Variants in CDH12 observed in about 807,000 individuals in gnomAD.
CDH12 encodes cadherin 12, also known as cadherin-12.
In CDH12, 41 loss-of-function variants were observed where a neutral mutation model predicts 74.1. The ratio of observed to expected loss-of-function variants is 0.55; its 90% CI spans 0.43 to 0.72. The LOEUF (loss-of-function observed/expected upper bound fraction) is 0.72. Ranked by LOEUF, CDH12 falls within the 30% of genes least tolerant of loss-of-function variation. The pLI is 0.00. For synonymous variants in CDH12, 399 were observed against 355.0 expected, an observed-to-expected ratio of 1.12 and a Z score of -1.39; for missense variants, 945 against 977.2, an observed-to-expected ratio of 0.97 and a Z score of 0.44.
intron 6 of CDH12, among the ~76,000 whole-genome samples, chr5:21,872,585 C>T (rs1008000017): frequency 9.9e-5 from 15 of 151,964 alleles, no homozygotes; most frequent in Non-Finnish European, 1.9e-4. Flanking sequence ...GGGCTCTCAG[C>T]GATAATTCAG....
chr5:21,976,465 TA>T (rs1367042827), intron 5 of CDH12, among the ~76,000 whole-genome samples: 2 of 149,630 alleles, frequency 1.3e-5, no homozygotes, highest in Non-Finnish European at 3.0e-5. Flanking sequence ...AAATATTACA[TA>T]AAATAAAATA....
At chr5:22,268,754 A>G (rs1235366854) in intron 3 of CDH12, among the ~76,000 whole-genome samples, 2 of 152,136 alleles carry the variant, frequency 1.3e-5, no homozygotes, top group Non-Finnish European at 2.9e-5. Context: ...TCTGCCTGGT[A>G]AAATTAGCTA....
At chr5:22,607,481 C>T (rs1234493150) in intron 1 of CDH12, among the ~76,000 whole-genome samples, 2 of 152,182 alleles carry the variant, frequency 1.3e-5, no homozygotes, top group African/African-American at 2.4e-5. Flanking sequence ...GAGGAAGAAG[C>T]AAAAGCGGAG....
intron 6 of CDH12, among the ~76,000 whole-genome samples, chr5:21,897,292 G>A (rs911832199): frequency 1.3e-5 from 2 of 152,154 alleles, no homozygotes; most frequent in African/African-American, 4.8e-5. Flanking sequence ...GGCTTCATAT[G>A]ACTGTGAGCA....
intron 5 of CDH12, among the ~76,000 whole-genome samples, chr5:22,068,564 T>A (rs1741722550): frequency 6.6e-6 from 1 of 151,822 alleles, no homozygotes; most frequent in Admixed American, 6.6e-5. Flanking sequence ...GGCCAAGGAG[T>A]TGGCTGAATG....
intron 1 of CDH12, among the ~76,000 whole-genome samples, chr5:22,767,363 C>A (rs1230404733): frequency 6.6e-6 from 1 of 151,720 alleles, no homozygotes; most frequent in Admixed American, 6.6e-5. Flanking sequence ...GACTATTTTC[C>A]TTTTGCACTT....
At chr5:22,352,764 C>G (rs1408307185) in intron 3 of CDH12, among the ~76,000 whole-genome samples, 1 of 152,118 alleles carries the variant, frequency 6.6e-6, no homozygotes. Flanking sequence ...CAATGCGAAA[C>G]CCTCTGACAT....
At chr5:22,686,550 G>T (rs773878618) in intron 1 of CDH12, among the ~76,000 whole-genome samples, 20 of 151,314 alleles carry the variant, frequency 1.3e-4, no homozygotes, top group South Asian at 2.1e-4. Context: ...CTTTTTTTTT[G>T]AATATTATGA....
chr5:22,265,643 T>C (rs1056523748), intron 3 of CDH12, among the ~76,000 whole-genome samples: 1 of 152,166 alleles, frequency 6.6e-6, no homozygotes, highest in Admixed American at 6.6e-5. Flanking sequence ...GCACAGTTTC[T>C]GTTTCCAGGA....
chr5:22,290,049 T>C (rs143396822), intron 3 of CDH12, among the ~76,000 whole-genome samples: 1 of 152,282 alleles, frequency 6.6e-6, no homozygotes, highest in Non-Finnish European at 1.5e-5. Context: ...CCACAACTGC[T>C]ACATTGAGCC....
Position 22,182,190 on chromosome 5 carries a change from G to A in CDH12, c.-187+30308C>T, listed in dbSNP as rs544185807. Reference sequence around the variant, plus strand: ...TGATCTTTCATTTCTTAAATTTTCCGAGCCTCTTCCTACTTAAGGAATTGT... The same window carrying A: ...TGATCTTTCATTTCTTAAATTTTCCAAGCCTCTTCCTACTTAAGGAATTGT... On this transcript the variant is annotated intron_variant, in intron 4 of 14. Coordinates refer to ENST00000382254, the MANE Select transcript of CDH12 (RefSeq NM_004061.5). Among the ~76,000 whole-genome samples the A allele has an allele frequency of 1.6e-3, 236 of 151,416 alleles. 1 individual carries two copies. The highest frequency in any genetic ancestry group is 5.6e-3 in the African/African-American group (230 of 41,250).
chr5:22,099,502 C>T (rs1744009143), intron 4 of CDH12, among the ~76,000 whole-genome samples: 1 of 152,154 alleles, frequency 6.6e-6, no homozygotes, highest in Non-Finnish European at 1.5e-5. Context: ...CCTGTATGGA[C>T]ACTCCTTTTT....
At chr5:22,106,438 A>AT (rs1744448265) in intron 4 of CDH12, among the ~76,000 whole-genome samples, 1 of 152,204 alleles carries the variant, frequency 6.6e-6, no homozygotes, top group Non-Finnish European at 1.5e-5. Flanking sequence ...AGATGTGCTA[A>AT]TTGTCCTAAT....
At chr5:22,762,138 C>T (rs2127057438) in intron 1 of CDH12, among the ~76,000 whole-genome samples, 1 of 152,074 alleles carries the variant, frequency 6.6e-6, no homozygotes, top group South Asian at 2.1e-4. Flanking sequence ...TATACATCAC[C>T]CAGTTACGAA....
chr5:21,947,468 G>A (rs1755631483), intron 6 of CDH12, among the ~76,000 whole-genome samples: 1 of 152,202 alleles, frequency 6.6e-6, no homozygotes, highest in Admixed American at 6.5e-5. Flanking sequence ...TTAGGAGCTA[G>A]AGCCCAAAGA....
intron 1 of CDH12, among the ~76,000 whole-genome samples, chr5:22,599,006 T>C (rs547365218): frequency 3.3e-5 from 5 of 152,328 alleles, no homozygotes; most frequent in Admixed American, 2.0e-4. Flanking sequence ...TGCAGCCGTA[T>C]TGCATGCCTT....
At chr5:22,395,646 T>C (rs1451347545) in intron 3 of CDH12, among the ~76,000 whole-genome samples, 1 of 152,132 alleles carries the variant, frequency 6.6e-6, no homozygotes, top group African/African-American at 2.4e-5. Context: ...ATGTCTAATA[T>C]ATCTAAGCAG....
chr5:21,763,006 T>C (rs1254294099), intron 12 of CDH12, among the ~76,000 whole-genome samples: 2 of 152,020 alleles, frequency 1.3e-5, no homozygotes, highest in East Asian at 3.9e-4. Flanking sequence ...GGCCCAAATA[T>C]TTTTGTAGCA....
intron 3 of CDH12, among the ~76,000 whole-genome samples, chr5:22,215,457 T>C (rs376709004): frequency 5.3e-5 from 8 of 152,146 alleles, no homozygotes; most frequent in East Asian, 3.8e-4. Flanking sequence ...AAAAAAACTT[T>C]AGGCTAAAAA....
Sources: allele counts gnomAD v4.1 joint callset (sites outside exome capture counted in the v4.1 genomes callset), GRCh38; gene constraint gnomAD v4.1.1; transcripts MANE v1.5; gene names NCBI Gene and HGNC (gene_info 2026-07-23, HGNC 2026-07-21).